Variants in CCDC122 observed in about 807,000 individuals in gnomAD.
The protein encoded by CCDC122 is coiled-coil domain containing 122.
CCDC122 carries 38 observed loss-of-function variants against 37.0 expected under a neutral mutation model. That is an observed-to-expected ratio of 1.03 (90% CI 0.79 to 1.35). CCDC122 has a LOEUF of 1.35. Among genes scored for constraint, CCDC122 ranks in the 40% most tolerant of loss-of-function variants. CCDC122 has a pLI of 0.00. For missense variants in CCDC122, 305 were observed against 310.0 expected (o/e 0.98, Z 0.12); for synonymous variants, 83 against 95.6 (o/e 0.87, Z 0.77).
chr13:43,848,234 A>G (rs1173478626), intron 6 of CCDC122, among the ~76,000 whole-genome samples: 1 of 152,238 alleles, frequency 6.6e-6, no homozygotes, highest in Non-Finnish European at 1.5e-5. Flanking sequence ...AAGTGTACAC[A>G]ATTTTCCCAT....
chr13:43,867,837 A>C (rs1954322339), intron 4 of CCDC122, among the ~76,000 whole-genome samples: 2 of 152,268 alleles, frequency 1.3e-5, no homozygotes, highest in South Asian at 4.1e-4. Context: ...TATTTATAAG[A>C]AATCCATATC....
rs184827962 is a variant in CCDC122 at position 43,851,392 on chromosome 13, A to C, written c.672+7389T>G. On this transcript the variant is annotated intron_variant, in intron 6 of 6. Coordinates refer to ENST00000444614, the MANE Select transcript of CCDC122 (RefSeq NM_144974.5). ...GTTGCACATATATGACTATATAAGA[A>C]GTCTCTGAAGTATATGCCTTAAATG... 3.7e-3 allele frequency among the ~76,000 whole-genome samples: 563 copies of C among 152,320 alleles called. 3 individuals carry two copies. Among genetic ancestry groups the C allele is most frequent in the African/African-American group, 0.012 (508 of 41,564 alleles).
intron 6 of CCDC122, among the ~76,000 whole-genome samples, chr13:43,852,640 C>T (rs979792232): frequency 1.3e-5 from 2 of 151,940 alleles, no homozygotes; most frequent in Admixed American, 1.3e-4. Context: ...CAGAGAACCC[C>T]AGTAAGATGC....
At chr13:43,868,902 A>AT in intron 3 of CCDC122, 99 bp from the exon 4 acceptor site, 2 of 615,866 alleles carry the variant, frequency 3.2e-6, no homozygotes, top group South Asian at 3.5e-5. Context: ...AATATTTGAT[A>AT]CTTTTTCCTT....
chr13:43,822,294 C>T (rs1162415000), downstream of CCDC122, among the ~76,000 whole-genome samples: 1 of 152,218 alleles, frequency 6.6e-6, no homozygotes, highest in African/African-American at 2.4e-5. Context: ...CCTCACTTTC[C>T]CGCAAATGGA....
intron 1 of CCDC122, among the ~76,000 whole-genome samples, chr13:43,875,931 C>G (rs1954596276): frequency 6.6e-6 from 1 of 152,136 alleles, no homozygotes; most frequent in Non-Finnish European, 1.5e-5. Flanking sequence ...TTTGATTGAT[C>G]TTCATTTATT....
intron 3 of CCDC122, among the ~76,000 whole-genome samples, chr13:43,825,542 G>T (rs966327214): frequency 6.6e-6 from 1 of 152,114 alleles, no homozygotes; most frequent in Admixed American, 6.5e-5. Context: ...GGCCAACTTG[G>T]GTGGATCACC....
chr13:43,867,355 A>G (rs2153878014), intron 4 of CCDC122, among the ~76,000 whole-genome samples: 1 of 152,220 alleles, frequency 6.6e-6, no homozygotes, highest in African/African-American at 2.4e-5. Flanking sequence ...ATGCTATTTC[A>G]GGCCTCTGCA....
intron 6 of CCDC122, among the ~76,000 whole-genome samples, chr13:43,846,065 CAT>C (rs1008522018): frequency 6.6e-6 from 1 of 151,526 alleles, no homozygotes; most frequent in African/African-American, 2.4e-5. Flanking sequence ...AGCTATGGAT[CAT>C]ATTTTTCTTT....
intron 6 of CCDC122, chr13:43,855,546 A>T (rs1953880565): frequency 6.6e-6 from 1 of 152,176 alleles, no homozygotes; most frequent in Admixed American, 6.5e-5. Flanking sequence ...TGGCCATACT[A>T]TCCAAAGCAA....
intron 6 of CCDC122, among the ~76,000 whole-genome samples, chr13:43,841,386 C>T (rs1953345413): frequency 1.3e-5 from 2 of 152,142 alleles, no homozygotes; most frequent in African/African-American, 4.8e-5. Context: ...TGTTTCATGT[C>T]CTTAGCAACA....
At chr13:43,863,267 G>A (rs1389198183) in intron 4 of CCDC122, among the ~76,000 whole-genome samples, 1 of 151,920 alleles carries the variant, frequency 6.6e-6, no homozygotes, top group Non-Finnish European at 1.5e-5. Flanking sequence ...TATATAAATA[G>A]AATCATTTAA....
intron 6 of CCDC122, among the ~76,000 whole-genome samples, chr13:43,845,615 G>C (rs1186062511): frequency 6.6e-6 from 1 of 152,256 alleles, no homozygotes; most frequent in Non-Finnish European, 1.5e-5. Flanking sequence ...GGGAGGCTGA[G>C]GCAGGAGAAT....
chr13:43,873,638 C>T (rs1050284400), intron 2 of CCDC122, among the ~76,000 whole-genome samples: 5 of 152,178 alleles, frequency 3.3e-5, no homozygotes, highest in Non-Finnish European at 5.9e-5. Context: ...AAGGATGAGC[C>T]AGAACCTTCA....
At chr13:43,871,263 T>G (rs1345047129) in intron 2 of CCDC122, among the ~76,000 whole-genome samples, 1 of 152,118 alleles carries the variant, frequency 6.6e-6, no homozygotes, top group Non-Finnish European at 1.5e-5. Context: ...TCTGGTAAAG[T>G]GCATTTATAG....
chr13:43,821,374 C>A (rs957609379), downstream of CCDC122, among the ~76,000 whole-genome samples: 2 of 152,192 alleles, frequency 1.3e-5, no homozygotes, highest in African/African-American at 4.8e-5. Flanking sequence ...CAGGCGTCTG[C>A]CACAATGTCT....
intron 6 of CCDC122, chr13:43,854,478 T>G (rs1052782591): frequency 6.6e-6 from 1 of 152,188 alleles, no homozygotes; most frequent in Admixed American, 6.6e-5. Flanking sequence ...ATTAATTCAG[T>G]AATAAATAGC....
chr13:43,847,913 T>C (rs768375344), intron 6 of CCDC122, among the ~76,000 whole-genome samples: 15 of 152,094 alleles, frequency 9.9e-5, no homozygotes, highest in Admixed American at 2.0e-4. Context: ...TAGCTGAAAA[T>C]ACAGGCACAC....
At position 43,859,859 on chromosome 13, in the gene CCDC122, A is replaced by C. The variant is rs1203528473; in HGVS notation, c.368T>G (p.Ile123Arg). The C allele has an allele frequency of 6.2e-7, 1 of 1,605,886 alleles. No homozygotes were observed. The highest frequency in any genetic ancestry group is 1.7e-5 in the Admixed American group (1 of 58,656). Reference sequence around the variant, plus strand: ...TTTTGCATAATATGCATTATATTTTATCATGTGTTCCTCAAAATCTTCTTG... The same window carrying C: ...TTTTGCATAATATGCATTATATTTTCTCATGTGTTCCTCAAAATCTTCTTG... ...TAQEDFEEHM[I>R]KYNAYYAKIK... is the part of the protein sequence containing the mutation. Residue 123 changes from isoleucine (I) to arginine (R), a missense_variant, in exon 5 of 7, where the codon ATA becomes AGA. Ile to Arg is a moderately conservative substitution (Grantham distance 97, BLOSUM62 -3). Transcript: ENST00000444614.
Sources: allele counts gnomAD v4.1 joint callset (sites outside exome capture counted in the v4.1 genomes callset), GRCh38; gene constraint gnomAD v4.1.1; transcripts MANE v1.5; gene names NCBI Gene and HGNC (gene_info 2026-07-23, HGNC 2026-07-21).